CCSER1: variants seen among roughly 807,000 people sequenced by gnomAD.
CCSER1 encodes the protein serine-rich coiled-coil domain-containing protein 1.
CCSER1 carries 41 observed loss-of-function variants against 82.0 expected under a neutral mutation model. That is an observed-to-expected ratio of 0.50 (90% CI 0.39 to 0.65). The LOEUF (loss-of-function observed/expected upper bound fraction) is 0.65. Among genes scored for constraint, CCSER1 ranks in the 30% least tolerant of loss-of-function variants. The probability of loss-of-function intolerance (pLI) is 0.00; values close to 1 mark genes in which losing one functional copy is unlikely to be tolerated. For missense variants in CCSER1, 1,119 were observed against 1,064.2 expected (o/e 1.05, Z -0.72); for synonymous variants, 414 against 383.9 (o/e 1.08, Z -0.92).
Position 90,954,253 on chromosome 4 carries a change from T to C in CCSER1, c.2172+30806T>C, listed in dbSNP as rs115033896. ...AATAAAGTAGAAAATACATTTTGCA[T>C]ACCTCAAAGTAAAAAGATTCTGTAA... On this transcript the variant is annotated intron_variant, in intron 9 of 10. Coordinates refer to ENST00000509176, the MANE Select transcript of CCSER1 (RefSeq NM_001145065.2). Among the ~76,000 whole-genome samples, 1,110 of 152,166 alleles carry C rather than the reference T, an allele frequency of 7.3e-3. 5 individuals carry two copies. Among genetic ancestry groups the C allele is most frequent in the African/African-American group, 0.026 (1,071 of 41,572 alleles).
At chr4:90,507,011 T>C (rs922446728) in intron 5 of CCSER1, among the ~76,000 whole-genome samples, 3 of 152,176 alleles carry the variant, frequency 2.0e-5, no homozygotes, top group African/African-American at 4.8e-5. Context: ...CTTTAACTAG[T>C]TATTGCATAC....
At chr4:90,480,474 T>A (rs564394632) in intron 5 of CCSER1, among the ~76,000 whole-genome samples, 1 of 152,198 alleles carries the variant, frequency 6.6e-6, no homozygotes, top group Non-Finnish European at 1.5e-5. Context: ...CTGAATGGTA[T>A]TGCCTAGGTT....
intron 6 of CCSER1, among the ~76,000 whole-genome samples, chr4:90,674,913 A>G (rs1311898217): frequency 6.6e-6 from 1 of 151,976 alleles, no homozygotes; most frequent in Admixed American, 6.6e-5. Context: ...GAGCAGTTGC[A>G]TTTTATAATG....
intron 1 of CCSER1, among the ~76,000 whole-genome samples, chr4:90,283,728 G>T (rs140273747): frequency 1.6e-3 from 238 of 152,030 alleles, no homozygotes; most frequent in African/African-American, 5.4e-3. Flanking sequence ...CCATTCATAT[G>T]TTGATGGACA....
chr4:91,048,386 C>T (rs1742702391), intron 9 of CCSER1, among the ~76,000 whole-genome samples: 1 of 151,638 alleles, frequency 6.6e-6, no homozygotes, highest in Non-Finnish European at 1.5e-5. Context: ...TTTTGTTCCT[C>T]AATTTGCTAT....
At chr4:90,736,778 C>A (rs1745723327) in intron 7 of CCSER1, among the ~76,000 whole-genome samples, 2 of 151,580 alleles carry the variant, frequency 1.3e-5, no homozygotes, top group African/African-American at 4.8e-5. Flanking sequence ...TTCTTTCCTC[C>A]CTTGCTATTT....
intron 10 of CCSER1, among the ~76,000 whole-genome samples, chr4:91,335,543 CTG>C (rs1173860299): frequency 7.2e-5 from 11 of 152,112 alleles, no homozygotes; most frequent in African/African-American, 2.7e-4. Flanking sequence ...GAGAAAGAGA[CTG>C]TTTTTCTCAC....
intron 1 of CCSER1, among the ~76,000 whole-genome samples, chr4:90,128,095 G>A (rs933797061): frequency 2.0e-5 from 3 of 152,140 alleles, no homozygotes; most frequent in Non-Finnish European, 2.9e-5. Context: ...CCTCCACGCT[G>A]CTGCGTGGTT....
At chr4:90,849,145 T>C (rs564963272) in intron 8 of CCSER1, among the ~76,000 whole-genome samples, 4 of 152,176 alleles carry the variant, frequency 2.6e-5, no homozygotes, top group South Asian at 2.1e-4. Flanking sequence ...CAGGCAGAGG[T>C]AGGAACTGTT....
At position 91,445,682 on chromosome 4, in the gene CCSER1, TTCTC is replaced by T. The variant is rs539321918; in HGVS notation, c.2218-152886_2218-152883del. ...TATATCCCTGTCATCTATCCATAGC[TTCTC>T]TCTATCATTTATCTTTCAATCTAAC... is the stretch of plus-strand genomic sequence containing the variant. On this transcript the variant is annotated intron_variant, in intron 10 of 10. Coordinates refer to ENST00000509176, the MANE Select transcript of CCSER1 (RefSeq NM_001145065.2). Among the ~76,000 whole-genome samples, 8 of 152,226 alleles carry T rather than the reference TTCTC, an allele frequency of 5.3e-5. No individual in the cohort carries two copies. In the East Asian group the frequency reaches 5.8e-4, roughly 11 times the overall value.
chr4:90,357,545 A>T (rs1421019088), intron 3 of CCSER1, among the ~76,000 whole-genome samples: 2 of 152,010 alleles, frequency 1.3e-5, no homozygotes, highest in South Asian at 4.1e-4. Context: ...GAAATGAGAA[A>T]ATCAGGATTT....
intron 8 of CCSER1, among the ~76,000 whole-genome samples, chr4:90,866,412 T>A (rs1165260913): frequency 1.3e-5 from 2 of 152,032 alleles, no homozygotes; most frequent in Non-Finnish European, 2.9e-5. Flanking sequence ...TGTCTGCTAG[T>A]GAAAGAAAAT....
At chr4:91,471,422 A>C (rs1757266865) in intron 10 of CCSER1, among the ~76,000 whole-genome samples, 1 of 152,136 alleles carries the variant, frequency 6.6e-6, no homozygotes, top group South Asian at 2.1e-4. Context: ...CACCTAGGAG[A>C]TGAGATCATT....
chr4:91,166,020 C>G (rs184387023), intron 10 of CCSER1, among the ~76,000 whole-genome samples: 143 of 152,292 alleles, frequency 9.4e-4, no homozygotes, highest in Admixed American at 8.9e-3. Flanking sequence ...GTTGATCACG[C>G]TGGGATCTGT....
chr4:90,673,121 C>T (rs1733122778), intron 6 of CCSER1, among the ~76,000 whole-genome samples: 1 of 151,872 alleles, frequency 6.6e-6, no homozygotes, highest in South Asian at 2.1e-4. Context: ...TTGCTGGAAA[C>T]AGGGTTGCCA....
At chr4:91,109,386 C>G (rs1037059159) in intron 10 of CCSER1, among the ~76,000 whole-genome samples, 1 of 151,990 alleles carries the variant, frequency 6.6e-6, no homozygotes, top group Non-Finnish European at 1.5e-5. Context: ...CCTAAATGTT[C>G]TATCTCTCCA....
chr4:91,495,473 C>G (rs1285664909), intron 10 of CCSER1, among the ~76,000 whole-genome samples: 1 of 150,806 alleles, frequency 6.6e-6, no homozygotes, highest in East Asian at 1.9e-4. Flanking sequence ...TTATTAGGAC[C>G]ATTTTACCAG....
In CCSER1 at chr4:90,308,290, G is replaced by A; in HGVS notation, c.6G>A (p.Gly2=). 1.3e-6 allele frequency: 2 copies of A among 1,573,556 alleles called. No individual in the cohort carries two copies. The highest frequency in any genetic ancestry group is 4.6e-5 in the East Asian group (2 of 43,726). The change falls in exon 2 of 11, where the codon GGG becomes GGA. Residue 2 remains glycine (G), a synonymous_variant. Transcript: ENST00000509176. M[G]DSGSRRSTLV... Reference sequence around the variant, plus strand: ...GTGCAAGCCTTTGATTCCCAATGGGGGACTCAGGATCAAGACGATCTACCC... The same window carrying A: ...GTGCAAGCCTTTGATTCCCAATGGGAGACTCAGGATCAAGACGATCTACCC...
intron 1 of CCSER1, among the ~76,000 whole-genome samples, chr4:90,269,130 T>C (rs1236171284): frequency 6.6e-6 from 1 of 152,094 alleles, no homozygotes; most frequent in Non-Finnish European, 1.5e-5. Context: ...TTGGACAGAT[T>C]ATCCAGTTGG....
Sources: gnomAD v4.1 joint callset for allele counts (sites outside exome capture counted in the v4.1 genomes callset) on GRCh38, gnomAD v4.1.1 for gene constraint, MANE v1.5 for transcripts, NCBI Gene and HGNC (gene_info 2026-07-23, HGNC 2026-07-21) for gene names.